DNAH5: variants seen among roughly 807,000 people sequenced by gnomAD.
DNAH5 encodes dynein axonemal heavy chain 5.
A neutral mutation model predicts 518.2 loss-of-function variants in DNAH5; 372 were observed. That is an observed-to-expected ratio of 0.72 (90% CI 0.66 to 0.78). The LOEUF (loss-of-function observed/expected upper bound fraction) is 0.78. DNAH5 is among the 30% of genes least tolerant of loss of function. The pLI, the probability that DNAH5 is intolerant of heterozygous loss-of-function variation, is 0.00. For missense variants in DNAH5, 5,523 were observed against 5,687.0 expected (o/e 0.97, Z 0.93); for synonymous variants, 2,039 against 2,025.9 (o/e 1.01, Z -0.17).
chr5:13,783,848 G>A (rs932667730), intron 52 of DNAH5, among the ~76,000 whole-genome samples: 5 of 152,200 alleles, frequency 3.3e-5, no homozygotes, highest in Admixed American at 6.5e-5. Context: ...GACACAGAGC[G>A]TGGAAGCGCT....
intron 61 of DNAH5, among the ~76,000 whole-genome samples, chr5:13,754,631 C>T (rs769003355): frequency 1.3e-5 from 2 of 151,998 alleles, no homozygotes; most frequent in African/African-American, 2.4e-5. Flanking sequence ...CTCTGCCTCC[C>T]GGGTTCAAGT....
At chr5:13,718,143 G>T (rs1412039359) in intron 72 of DNAH5, among the ~76,000 whole-genome samples, 1 of 152,068 alleles carries the variant, frequency 6.6e-6, no homozygotes, top group African/African-American at 2.4e-5. Context: ...AGGTTTTCCA[G>T]ATTGAAATAC....
At chr5:13,801,968 C>A (rs1159965770) in intron 47 of DNAH5, among the ~76,000 whole-genome samples, 3 of 152,028 alleles carry the variant, frequency 2.0e-5, no homozygotes, top group Non-Finnish European at 2.9e-5. Flanking sequence ...AAAAAAAAAT[C>A]TCTCAGGATT....
chr5:13,994,879 T>C (rs930581906), intron 1 of DNAH5, among the ~76,000 whole-genome samples: 3 of 152,222 alleles, frequency 2.0e-5, no homozygotes, highest in African/African-American at 7.2e-5. Flanking sequence ...TGGGAACAGC[T>C]GCTTGTGTTC....
Position 13,900,194 on chromosome 5 carries a change from A to C in DNAH5, c.2259+12T>G, listed in dbSNP as rs1287171547. On this transcript the variant is annotated intron_variant, in intron 15 of 78. Transcript: ENST00000265104. ...TAGCCAAGAATGGGGGGAAAAAATA[A>C]AAGTAGTATACCTTCATGTTACTGA... 6.2e-7 allele frequency: 1 copy of C among 1,605,970 alleles called. No homozygotes were observed. The highest frequency in any genetic ancestry group is 1.3e-5 in the African/African-American group (1 of 74,698).
intron 21 of DNAH5, among the ~76,000 whole-genome samples, chr5:13,879,009 G>T (rs1159854259): frequency 6.6e-6 from 1 of 152,146 alleles, no homozygotes; most frequent in Non-Finnish European, 1.5e-5. Flanking sequence ...CTCCAGGGTA[G>T]GGGGGACAAA....
intron 43 of DNAH5, 123 bp downstream of exon 43, chr5:13,814,482 C>G (rs192344629): frequency 1.1e-6 from 1 of 950,030 alleles, no homozygotes; most frequent in Non-Finnish European, 1.7e-6. Context: ...AAGTATCTTC[C>G]ACAAACATTA....
At chr5:13,902,721 G>A (rs1357397828) in intron 12 of DNAH5, among the ~76,000 whole-genome samples, 4 of 152,166 alleles carry the variant, frequency 2.6e-5, no homozygotes, top group African/African-American at 9.7e-5. Context: ...CCCTGCCCTA[G>A]AGGAACTGAA....
In DNAH5 at chr5:13,952,347, C is replaced by T. The variant is rs547260134; in HGVS notation, c.13-21103G>A. On this transcript the variant is annotated intron_variant, in intron 1 of 78. Coordinates refer to the DNAH5 transcript ENST00000681290. ...AGAGCAAATCCATTTTTTTAAAGCA[C>T]GCAGCAATTTCTGCAAAGAAAGTTC... Among the ~76,000 whole-genome samples the T allele has an allele frequency of 8.5e-5, 13 of 152,214 alleles. No homozygotes were observed. The Middle Eastern group carries it at 0.01, about 119-fold the overall frequency.
At chr5:13,911,337 G>A (rs1165470204) in intron 12 of DNAH5, 49 bp downstream of exon 12, 6 of 1,467,082 alleles carry the variant, frequency 4.1e-6, no homozygotes, top group Admixed American at 1.7e-5. Context: ...ATACAGAAAG[G>A]AAAAAATAAA....
intron 52 of DNAH5, among the ~76,000 whole-genome samples, chr5:13,783,734 T>G (rs966488085): frequency 2.0e-5 from 3 of 152,228 alleles, no homozygotes; most frequent in Non-Finnish European, 4.4e-5. Flanking sequence ...AGGCTTGGTC[T>G]CATATCATAT....
At chr5:13,999,599 C>A (rs748632108) in intron 1 of DNAH5, among the ~76,000 whole-genome samples, 5 of 152,208 alleles carry the variant, frequency 3.3e-5, no homozygotes, top group Non-Finnish European at 7.3e-5. Context: ...TGTTGATGGA[C>A]ATTTAGGCTG....
rs1317940676 is a variant in DNAH5, at chr5:13,867,985, T to C, written c.3842A>G (p.Tyr1281Cys). Residue 1281 changes from tyrosine to cysteine, a missense_variant, in exon 25 of 79, where the codon TAT becomes TGT. This residue lies in a region of DNAH5 where 5,121 missense variants were observed against 5,223.3 expected (regional missense o/e 0.98). Transcript: ENST00000265104. ...DFQVGPIEES[Y>C]ALLNRYGLLI... ...AAGTCCATATCTGTTAAGCAGGGCA[T>C]AAGATTCCTAAAAAAAAATAGGAAA... The C allele has an allele frequency of 6.3e-7, 1 of 1,594,844 alleles. No homozygotes were observed. The highest frequency in any genetic ancestry group is 1.1e-5 in the South Asian group (1 of 90,118).
intron 31 of DNAH5, among the ~76,000 whole-genome samples, chr5:13,845,237 A>G (rs574947900): frequency 3.9e-4 from 59 of 152,240 alleles, no homozygotes; most frequent in African/African-American, 1.4e-3. Flanking sequence ...CATTTTTCAC[A>G]ACTATAATGT....
chr5:14,003,164 T>C (rs1000021303), intron 1 of DNAH5, among the ~76,000 whole-genome samples: 9 of 152,212 alleles, frequency 5.9e-5, no homozygotes, highest in Non-Finnish European at 1.3e-4. Flanking sequence ...TAAATTAATC[T>C]AACTGATCTA....
At chr5:13,720,057 A>G (rs1408062899) in intron 71 of DNAH5, among the ~76,000 whole-genome samples, 3 of 151,566 alleles carry the variant, frequency 2.0e-5, no homozygotes, top group Non-Finnish European at 2.9e-5. Context: ...TCTATAACCC[A>G]TCTTAGATCA....
intron 1 of DNAH5, among the ~76,000 whole-genome samples, chr5:13,995,169 C>G (rs1783849919): frequency 6.6e-6 from 1 of 152,108 alleles, no homozygotes; most frequent in Non-Finnish European, 1.5e-5. Context: ...GCAAGCTTGT[C>G]TTTCCAATGA....
intron 35 of DNAH5, among the ~76,000 whole-genome samples, chr5:13,835,093 T>G (rs1051825061): frequency 1.3e-5 from 2 of 152,032 alleles, no homozygotes; most frequent in Non-Finnish European, 2.9e-5. Context: ...AAGAACACCC[T>G]GGCCAACACG....
chr5:13,923,420 C>T lies in DNAH5; in HGVS notation c.298G>A (p.Gly100Arg), dbSNP rs764244707. The T allele has an allele frequency of 5.6e-6, 9 of 1,614,104 alleles. No individual in the cohort carries two copies. The Admixed American group carries it at 1.0e-4, about 18-fold the overall frequency. ...AETGQLGSLG[G>R]VNLVSGKIKK... Reference sequence around the variant, plus strand: ...ATCTTTCCAGAAACAAGATTTACCCCTCCTAGAGAGCCAAGTTGTCCTACA... The same window carrying T: ...ATCTTTCCAGAAACAAGATTTACCCTTCCTAGAGAGCCAAGTTGTCCTACA... Residue 100 changes from glycine (G) to arginine (R), a missense_variant, in exon 4 of 79, where the codon GGG becomes AGG. This residue lies in a region of DNAH5 where 5,121 missense variants were observed against 5,223.3 expected (regional missense o/e 0.98). Coordinates refer to ENST00000265104, the MANE Select transcript of DNAH5 (RefSeq NM_001369.3).
Sources: allele counts gnomAD v4.1 joint callset (sites outside exome capture counted in the v4.1 genomes callset), GRCh38; gene constraint gnomAD v4.1.1; regional missense constraint gnomAD v4.1.1; transcripts MANE v1.5; gene names NCBI Gene and HGNC (gene_info 2026-07-23, HGNC 2026-07-21).